Variants in PTPN2 observed in about 807,000 individuals in gnomAD.
PTPN2 encodes protein tyrosine phosphatase non-receptor type 2.
Under a neutral mutation model 57.3 loss-of-function variants are expected in PTPN2, and 19 were observed. That is an observed-to-expected ratio of 0.33 (90% confidence interval 0.23 to 0.49). PTPN2 has a LOEUF of 0.49. Ranked by LOEUF, PTPN2 falls within the 20% of genes least tolerant of loss-of-function variation. The pLI is 0.99. For missense variants in PTPN2, 358 were observed against 501.1 expected (o/e 0.71, Z 2.73); for synonymous variants, 153 against 164.9 (o/e 0.93, Z 0.55).
At chr18:12,801,111 C>T (rs2041403662) in intron 8 of PTPN2, among the ~76,000 whole-genome samples, 1 of 152,220 alleles carries the variant, frequency 6.6e-6, no homozygotes, top group Non-Finnish European at 1.5e-5. Context: ...TACACTCAAT[C>T]ATTATTGTTT....
At chr18:12,819,369 G>C (rs979298467) in intron 5 of PTPN2, 1 of 627,608 alleles carries the variant, frequency 1.6e-6, no homozygotes, top group African/African-American at 1.9e-5. Context: ...ATTAATTATG[G>C]TAAGTGAACA....
intron 1 of PTPN2, among the ~76,000 whole-genome samples, chr18:12,874,099 C>A (rs1039186562): frequency 6.6e-6 from 1 of 152,066 alleles, no homozygotes; most frequent in Non-Finnish European, 1.5e-5. Context: ...CGGCAGCCAC[C>A]CTGTCTGGGA....
chr18:12,831,114 A>G, intron 3 of PTPN2, 73 bp from the exon 4 acceptor site: 1 of 1,033,956 alleles, frequency 9.7e-7, no homozygotes, highest in Admixed American at 1.9e-5. Flanking sequence ...AGGCCTTGTT[A>G]AGTCTGCTCC....
chr18:12,826,194 G>C (rs529567246), intron 4 of PTPN2, among the ~76,000 whole-genome samples: 4 of 152,196 alleles, frequency 2.6e-5, no homozygotes, highest in Admixed American at 1.3e-4. Flanking sequence ...CCTGAGATCA[G>C]GAGTTCGAGA....
chr18:12,796,997 C>T (rs1287903288), intron 8 of PTPN2, among the ~76,000 whole-genome samples: 1 of 152,074 alleles, frequency 6.6e-6, no homozygotes, highest in African/African-American at 2.4e-5. Context: ...TTTTTGTTAT[C>T]ATATATACAG....
At chr18:12,870,587 C>A (rs1055007317) in intron 1 of PTPN2, among the ~76,000 whole-genome samples, 20 of 139,228 alleles carry the variant, frequency 1.4e-4, no homozygotes, top group African/African-American at 3.0e-4. Context: ...TGGCTTACTG[C>A]AAGCTCCACC....
intron 3 of PTPN2, among the ~76,000 whole-genome samples, chr18:12,834,326 CAAA>C (rs11368721): frequency 1.5e-5 from 2 of 133,190 alleles, no homozygotes; most frequent in Non-Finnish European, 1.6e-5. Flanking sequence ...GACTCCATCT[CAAA>C]AAAAAAAAAA....
At chr18:12,804,289 C>CAAAAAAA (rs59927276) in intron 7 of PTPN2, among the ~76,000 whole-genome samples, 224 of 65,796 alleles carry the variant, frequency 3.4e-3, no homozygotes, top group Middle Eastern at 0.014. Context: ...GAAACTGTCT[C>CAAAAAAA]AAAAAAAAAA....
intron 2 of PTPN2, among the ~76,000 whole-genome samples, chr18:12,847,813 G>A (rs900018095): frequency 1.3e-5 from 2 of 151,188 alleles, no homozygotes; most frequent in South Asian, 2.1e-4. Context: ...GTAGAGACGG[G>A]GTTTCACCAT....
chr18:12,788,286 A>G (rs2040893175), downstream of PTPN2: 1 of 152,428 alleles, frequency 6.6e-6, no homozygotes, highest in Non-Finnish European at 1.5e-5. Context: ...AAAACCAGAA[A>G]GTCGTGAAGC....
At chr18:12,870,429 A>ACG (rs2044202228) in intron 1 of PTPN2, among the ~76,000 whole-genome samples, 1 of 40,110 alleles carries the variant, frequency 2.5e-5, no homozygotes, top group Non-Finnish European at 3.8e-5. Flanking sequence ...ATATATACGT[A>ACG]TATATATATG....
intron 3 of PTPN2, among the ~76,000 whole-genome samples, chr18:12,831,568 A>G (rs1311654616): frequency 6.6e-6 from 1 of 152,220 alleles, no homozygotes; most frequent in Middle Eastern, 3.2e-3. Flanking sequence ...TGTCCTCTTC[A>G]TCTTCTACAG....
chr18:12,868,625 C>G (rs963058415), intron 1 of PTPN2, among the ~76,000 whole-genome samples: 2 of 151,476 alleles, frequency 1.3e-5, no homozygotes, highest in East Asian at 2.0e-4. Context: ...CCTAACAACT[C>G]TTTCTTTTTA....
chr18:12,825,096 T>TCAAA (rs1568116737), intron 5 of PTPN2, among the ~76,000 whole-genome samples: 1 of 151,798 alleles, frequency 6.6e-6, no homozygotes, highest in Non-Finnish European at 1.5e-5. Flanking sequence ...AAAAAACCAA[T>TCAAA]CAACCAACCA....
intron 1 of PTPN2, chr18:12,863,773 T>A (rs1041891354): frequency 1.3e-5 from 2 of 152,140 alleles, no homozygotes; most frequent in Non-Finnish European, 2.9e-5. Flanking sequence ...AATACCAAAC[T>A]AGATCTAAAT....
rs910702019 is a variant in PTPN2 at position 12,819,407 on chromosome 18, C to G, written c.496-2042G>C. 7.1e-6 allele frequency: 3 copies of G among 421,554 alleles called. No individual in the cohort carries two copies. In the East Asian group the frequency reaches 1.1e-4, roughly 16 times the overall value. 26.1% of individuals were successfully genotyped at this position (421,554 alleles called of 1,614,324 possible). ...GCCAGACTAAAGGCTATATACTATA[C>G]TATTCCATTTTTATGACATTCTGGA... is the stretch of plus-strand genomic sequence containing the variant. On this transcript the variant is annotated intron_variant, in intron 5 of 8. Coordinates refer to ENST00000309660, the MANE Select transcript of PTPN2 (RefSeq NM_002828.4).
downstream of PTPN2, chr18:12,787,825 G>C (rs111802012): frequency 6.5e-6 from 1 of 153,136 alleles, no homozygotes; most frequent in African/African-American, 2.4e-5. Flanking sequence ...AACAAACGTG[G>C]TGCTTTCTGT....
chr18:12,809,896 G>A (rs1227314292), intron 7 of PTPN2, among the ~76,000 whole-genome samples: 1 of 152,092 alleles, frequency 6.6e-6, no homozygotes, highest in Non-Finnish European at 1.5e-5. Flanking sequence ...AAAAGAAAAA[G>A]GCACGCCTGG....
At chr18:12,883,233 G>C (rs73406789) in intron 1 of PTPN2, among the ~76,000 whole-genome samples, 46 of 152,218 alleles carry the variant, frequency 3.0e-4, no homozygotes, top group Admixed American at 4.6e-4. Context: ...TGAAAGCTGC[G>C]TTTCACTGTA....
Sources: allele counts gnomAD v4.1 joint callset (sites outside exome capture counted in the v4.1 genomes callset), GRCh38; gene constraint gnomAD v4.1.1; transcripts MANE v1.5; gene names NCBI Gene and HGNC (gene_info 2026-07-23, HGNC 2026-07-21).